Variants in ZDHHC14 observed in about 807,000 individuals in gnomAD.
The protein encoded by ZDHHC14 is palmitoyltransferase ZDHHC14.
ZDHHC14 carries 16 observed loss-of-function variants against 47.7 expected under a neutral mutation model. The observed-to-expected ratio is 0.34, with a 90% CI of 0.23 to 0.51. The LOEUF is 0.51. ZDHHC14 is among the 20% of genes least tolerant of loss of function. The pLI is 0.97. For missense variants in ZDHHC14, 515 were observed against 662.5 expected, an observed-to-expected ratio of 0.78 and a Z score of 2.44; for synonymous variants, 293 against 278.9, an observed-to-expected ratio of 1.05 and a Z score of -0.50.
At chr6:157,600,765 G>A (rs1784307549) in intron 3 of ZDHHC14, among the ~76,000 whole-genome samples, 1 of 152,238 alleles carries the variant, frequency 6.6e-6, no homozygotes, top group South Asian at 2.1e-4. Context: ...GTGGTAGGCA[G>A]AATTCTGGCC....
At chr6:157,473,478 C>A (rs1377378340) in intron 1 of ZDHHC14, among the ~76,000 whole-genome samples, 2 of 152,172 alleles carry the variant, frequency 1.3e-5, no homozygotes, top group African/African-American at 4.8e-5. Flanking sequence ...TGTGTCGTTG[C>A]AAATAATGGG....
chr6:157,414,138 G>A (rs981157494), intron 1 of ZDHHC14, among the ~76,000 whole-genome samples: 4 of 152,198 alleles, frequency 2.6e-5, no homozygotes, highest in African/African-American at 9.6e-5. Context: ...CACCATGTTG[G>A]CCAGGATGGT....
chr6:157,498,468 G>A (rs1325781930), intron 1 of ZDHHC14, among the ~76,000 whole-genome samples: 2 of 152,180 alleles, frequency 1.3e-5, no homozygotes, highest in African/African-American at 2.4e-5. Flanking sequence ...GAGTTTGGCT[G>A]ATATGGTGAG....
At chr6:157,600,334 A>T (rs766005975) in intron 3 of ZDHHC14, among the ~76,000 whole-genome samples, 3 of 152,244 alleles carry the variant, frequency 2.0e-5, no homozygotes, top group African/African-American at 4.8e-5. Context: ...AATGTTAATA[A>T]AACTATTAGT....
intron 1 of ZDHHC14, among the ~76,000 whole-genome samples, chr6:157,522,574 C>A (rs1780961719): frequency 6.6e-6 from 1 of 151,890 alleles, no homozygotes; most frequent in Non-Finnish European, 1.5e-5. Flanking sequence ...GAAAGCACAG[C>A]AAACTTTTAG....
chr6:157,644,445 T>A (rs1451378951), intron 5 of ZDHHC14, among the ~76,000 whole-genome samples: 1 of 152,152 alleles, frequency 6.6e-6, no homozygotes. Context: ...TCTCTCTGGT[T>A]CCCTACCACT....
chr6:157,620,270 G>C (rs1001045477), intron 3 of ZDHHC14, among the ~76,000 whole-genome samples: 4 of 152,148 alleles, frequency 2.6e-5, no homozygotes, highest in African/African-American at 9.7e-5. Context: ...ATGGCGAGGG[G>C]GCTGGGCATG....
chr6:157,487,738 A>G (rs1779816300), intron 1 of ZDHHC14, among the ~76,000 whole-genome samples: 2 of 152,162 alleles, frequency 1.3e-5, no homozygotes, highest in Non-Finnish European at 2.9e-5. Context: ...TTTTAGTACT[A>G]TTATTATTAG....
intron 1 of ZDHHC14, among the ~76,000 whole-genome samples, chr6:157,392,047 C>T: frequency 6.6e-6 from 1 of 152,172 alleles, no homozygotes; most frequent in Non-Finnish European, 1.5e-5. Context: ...AATGCGGAAT[C>T]TGCAAGACTT....
chr6:157,550,620 C>G (rs1018473357), intron 2 of ZDHHC14, among the ~76,000 whole-genome samples: 6 of 152,202 alleles, frequency 3.9e-5, no homozygotes, highest in Non-Finnish European at 5.9e-5. Context: ...CACAGACACT[C>G]TAGAGAGACC....
chr6:157,483,817 C>T (rs1779690405), intron 1 of ZDHHC14, among the ~76,000 whole-genome samples: 1 of 152,096 alleles, frequency 6.6e-6, no homozygotes, highest in Non-Finnish European at 1.5e-5. Context: ...CTTTAAGATG[C>T]ATGACTTAGT....
At chr6:157,618,787 A>G (rs1254585093) in intron 3 of ZDHHC14, among the ~76,000 whole-genome samples, 3 of 152,170 alleles carry the variant, frequency 2.0e-5, no homozygotes, top group Admixed American at 2.0e-4. Context: ...CTCATTTCAT[A>G]TGATGACCCT....
At chr6:157,486,415 A>G (rs766100967) in intron 1 of ZDHHC14, among the ~76,000 whole-genome samples, 2 of 152,240 alleles carry the variant, frequency 1.3e-5, no homozygotes, top group South Asian at 4.1e-4. Flanking sequence ...GAAGCAATGG[A>G]TAAGACAAAT....
chr6:157,441,923 G>T (rs974902559), intron 1 of ZDHHC14, among the ~76,000 whole-genome samples: 1 of 152,152 alleles, frequency 6.6e-6, no homozygotes, highest in Non-Finnish European at 1.5e-5. Flanking sequence ...TTTCTGTTTC[G>T]TGGAAACAAT....
At chr6:157,578,780 C>T (rs1199826941) in intron 2 of ZDHHC14, among the ~76,000 whole-genome samples, 4 of 152,182 alleles carry the variant, frequency 2.6e-5, no homozygotes, top group African/African-American at 4.8e-5. Flanking sequence ...GAAGAAGGTG[C>T]CTGCTTCTCT....
At chr6:157,575,994 C>G (rs765042307) in intron 2 of ZDHHC14, among the ~76,000 whole-genome samples, 1 of 152,222 alleles carries the variant, frequency 6.6e-6, no homozygotes, top group African/African-American at 2.4e-5. Flanking sequence ...CCATGTTCCT[C>G]GCTCTCTTGC....
At chr6:157,472,486 T>C (rs1325583425) in intron 1 of ZDHHC14, among the ~76,000 whole-genome samples, 1 of 151,728 alleles carries the variant, frequency 6.6e-6, no homozygotes, top group Non-Finnish European at 1.5e-5. Flanking sequence ...AAATAATAAG[T>C]GGAGTGGAGT....
intron 1 of ZDHHC14, among the ~76,000 whole-genome samples, chr6:157,467,649 A>G (rs1245093276): frequency 1.3e-5 from 2 of 151,914 alleles, no homozygotes; most frequent in African/African-American, 4.8e-5. Context: ...TCCCGGGTTC[A>G]AGCGATTCTC....
chr6:157,514,593 A>C (rs182963299), intron 1 of ZDHHC14, among the ~76,000 whole-genome samples: 12 of 152,368 alleles, frequency 7.9e-5, no homozygotes, highest in Admixed American at 2.0e-4. Context: ...ATTGCTAGGC[A>C]GTGAATATTG....
Sources: gnomAD v4.1 joint callset for allele counts (sites outside exome capture counted in the v4.1 genomes callset) on GRCh38, gnomAD v4.1.1 for gene constraint, MANE v1.5 for transcripts, NCBI Gene and HGNC (gene_info 2026-07-23, HGNC 2026-07-21) for gene names.